The following ANK3 variants were observed in gnomAD, a reference collection of about 807,000 sequenced individuals.
ANK3 encodes the protein ankyrin 3.
In ANK3, 57 loss-of-function variants were observed where a neutral mutation model predicts 370.9. That is an observed-to-expected ratio of 0.15 (90% CI 0.12 to 0.19). The LOEUF (loss-of-function observed/expected upper bound fraction) is 0.19. Among genes scored for constraint, ANK3 ranks in the 10% least tolerant of loss-of-function variants. The probability of loss-of-function intolerance (pLI) is 1.00; values close to 1 mark genes in which losing one functional copy is unlikely to be tolerated. For synonymous variants in ANK3, 1,929 were observed against 1,946.3 expected, an observed-to-expected ratio of 0.99 and a Z score of 0.23; for missense variants, 4,439 against 5,302.1, an observed-to-expected ratio of 0.84 and a Z score of 5.06.
At chr10:60,412,531 T>C (rs573278711) in intron 2 of ANK3, among the ~76,000 whole-genome samples, 45 of 152,272 alleles carry the variant, frequency 3.0e-4, no homozygotes, top group African/African-American at 9.9e-4. Flanking sequence ...GCCTCCAAAA[T>C]CAAGTGAGCC....
chr10:60,702,031 G>A (rs1455556144), intron 1 of ANK3, among the ~76,000 whole-genome samples: 1 of 152,130 alleles, frequency 6.6e-6, no homozygotes. Flanking sequence ...GTCTGAGGCA[G>A]GAGGACTGCT....
At chr10:60,259,036 A>G (rs1022755472) in intron 7 of ANK3, among the ~76,000 whole-genome samples, 2 of 152,204 alleles carry the variant, frequency 1.3e-5, no homozygotes, top group Admixed American at 6.5e-5. Context: ...GTCTGCATTC[A>G]GGGGCCTCTT....
At chr10:60,518,368 C>A (rs1363531891) in intron 2 of ANK3, among the ~76,000 whole-genome samples, 2 of 152,112 alleles carry the variant, frequency 1.3e-5, no homozygotes, top group African/African-American at 4.8e-5. Flanking sequence ...CCTCCTTGAG[C>A]CACAAGCCCC....
chr10:60,657,614 T>C (rs1027737308), intron 1 of ANK3, among the ~76,000 whole-genome samples: 2 of 152,316 alleles, frequency 1.3e-5, no homozygotes, highest in Admixed American at 1.3e-4. Context: ...TTGAAATCTA[T>C]TGAAACTGGT....
chr10:60,555,797 G>C (rs1167040200), intron 2 of ANK3, among the ~76,000 whole-genome samples: 1 of 152,182 alleles, frequency 6.6e-6, no homozygotes, highest in African/African-American at 2.4e-5. Flanking sequence ...AACCAAAAGA[G>C]ATCTGGGTCC....
At chr10:60,651,794 A>AT (rs1169525517) in intron 1 of ANK3, among the ~76,000 whole-genome samples, 1 of 152,140 alleles carries the variant, frequency 6.6e-6, no homozygotes, top group African/African-American at 2.4e-5. Context: ...TGCCCAGCAT[A>AT]TAGGAAGCAC....
intron 1 of ANK3, among the ~76,000 whole-genome samples, chr10:60,621,472 A>G (rs2078336410): frequency 6.6e-6 from 1 of 152,204 alleles, no homozygotes; most frequent in Admixed American, 6.6e-5. Flanking sequence ...CTCATTTACA[A>G]TATTTTTGCA....
chr10:60,251,846 G>A (rs1432236484), intron 7 of ANK3, among the ~76,000 whole-genome samples: 1 of 152,172 alleles, frequency 6.6e-6, no homozygotes, highest in Non-Finnish European at 1.5e-5. Context: ...CAGGATCAAG[G>A]CCAGTGCCTA....
chr10:60,085,180 G>C lies in ANK3; in HGVS notation c.3822C>G (p.Ser1274=), dbSNP rs184515022. The C allele has an allele frequency of 6.5e-4, 1,047 of 1,612,564 alleles. 2 individuals are homozygous for C. The highest frequency in any genetic ancestry group is 2.9e-3 in the Admixed American group (173 of 59,728). ...ACCTGGCTGAAACATTGGTTGTAAA[G>C]GAGACACAATCTTTTATAAACGTCA... The part of the protein sequence containing the change: ...TPLTFIKDCV[S]FTTNVSARFW... The change falls in exon 31 of 44, where the codon TCC becomes TCG. Residue 1274 remains serine (S), a synonymous_variant. Coordinates refer to ENST00000280772, the MANE Select transcript of ANK3 (RefSeq NM_020987.5).
chr10:60,291,216 A>G (rs1428548104), intron 1 of ANK3, among the ~76,000 whole-genome samples: 1 of 152,138 alleles, frequency 6.6e-6, no homozygotes, highest in East Asian at 1.9e-4. Context: ...GTTTGTCTCA[A>G]ATTTTCTGAT....
intron 1 of ANK3, among the ~76,000 whole-genome samples, chr10:60,632,815 G>A (rs2078502207): frequency 6.6e-6 from 1 of 151,952 alleles, no homozygotes; most frequent in Non-Finnish European, 1.5e-5. Flanking sequence ...CCAGAAAGCC[G>A]AGGCTGTAGT....
chr10:60,308,356 G>A (rs897124153), intron 1 of ANK3, among the ~76,000 whole-genome samples: 6 of 135,968 alleles, frequency 4.4e-5, no homozygotes, highest in African/African-American at 1.1e-4. Context: ...CTGGAGTGCC[G>A]TGGCATGATC....
intron 23 of ANK3, among the ~76,000 whole-genome samples, chr10:60,164,448 G>C (rs183413559): frequency 6.6e-6 from 1 of 151,554 alleles, no homozygotes; most frequent in African/African-American, 2.4e-5. Context: ...AGGGCGACCA[G>C]GTTGCTGAGG....
intron 23 of ANK3, among the ~76,000 whole-genome samples, chr10:60,165,940 G>C (rs971747063): frequency 3.3e-5 from 5 of 152,034 alleles, no homozygotes; most frequent in Admixed American, 2.6e-4. Flanking sequence ...TTTTCCAATG[G>C]ACCTTTTAAA....
chr10:60,723,894 C>A (rs1333744009), intron 1 of ANK3, among the ~76,000 whole-genome samples: 1 of 151,958 alleles, frequency 6.6e-6, no homozygotes, highest in East Asian at 1.9e-4. Flanking sequence ...GAAACACAGG[C>A]AGCCTCTAGC....
chr10:60,689,695 T>C (rs926114669), intron 1 of ANK3, among the ~76,000 whole-genome samples: 1 of 148,892 alleles, frequency 6.7e-6, no homozygotes, highest in Non-Finnish European at 1.5e-5. Context: ...GAAGTTGCAG[T>C]GAGCCAAGAT....
chr10:60,330,951 T>C (rs1265771541), intron 1 of ANK3, among the ~76,000 whole-genome samples: 1 of 152,132 alleles, frequency 6.6e-6, no homozygotes, highest in Admixed American at 6.5e-5. Context: ...AAAGAATGAA[T>C]TCACGTCCTT....
intron 2 of ANK3, among the ~76,000 whole-genome samples, chr10:60,539,282 C>T (rs79839705): frequency 2.4e-3 from 359 of 151,972 alleles, no homozygotes; most frequent in Non-Finnish European, 3.8e-3. Flanking sequence ...AGCAGATATA[C>T]ACTATAATAC....
chr10:60,279,950 T>C (rs72822211), intron 1 of ANK3, among the ~76,000 whole-genome samples: 2,947 of 152,346 alleles, frequency 0.019, 37 homozygotes, highest in South Asian at 0.035. Flanking sequence ...CTATAACTTA[T>C]TGATAATTAC....
Sources: allele counts gnomAD v4.1 joint callset (sites outside exome capture counted in the v4.1 genomes callset), GRCh38; gene constraint gnomAD v4.1.1; transcripts MANE v1.5; gene names NCBI Gene and HGNC (gene_info 2026-07-23, HGNC 2026-07-21).